The following GMEB2 variants were observed in gnomAD, a reference collection of about 807,000 sequenced individuals.
The protein encoded by GMEB2 is glucocorticoid modulatory element binding protein 2.
GMEB2 carries 7 observed loss-of-function variants against 45.7 expected under a neutral mutation model. The observed-to-expected ratio is 0.15, with a 90% CI of 0.09 to 0.29. The LOEUF is 0.29. GMEB2 is among the 10% of genes least tolerant of loss of function. The probability of loss-of-function intolerance (pLI) is 1.00; values close to 1 mark genes in which losing one functional copy is unlikely to be tolerated. For synonymous variants in GMEB2, 322 were observed against 323.6 expected (o/e 1.00, Z 0.05); for missense variants, 582 against 739.2 (o/e 0.79, Z 2.47).
chr20:63,605,541 A>G (rs1015808277), intron 2 of GMEB2, among the ~76,000 whole-genome samples: 1 of 151,508 alleles, frequency 6.6e-6, no homozygotes, highest in Non-Finnish European at 1.5e-5. Flanking sequence ...AAAAAAAAAA[A>G]AAAGAAATGG....
intron 1 of GMEB2, among the ~76,000 whole-genome samples, chr20:63,625,392 C>A (rs1336132264): frequency 6.6e-6 from 1 of 151,868 alleles, no homozygotes; most frequent in Non-Finnish European, 1.5e-5. Context: ...AGGCTGGTCT[C>A]GAACTCCTGA....
Position 63,589,737 on chromosome 20 carries a change from G to GCTCTGCTTCCTCTGT in GMEB2, c.*337_*351dup. 2 of 222,930 alleles carry GCTCTGCTTCCTCTGT rather than the reference G, an allele frequency of 9.0e-6. No individual in the cohort carries two copies. The highest frequency in any genetic ancestry group is 1.7e-5 in the Non-Finnish European group (2 of 114,662). 13.8% of individuals were successfully genotyped at this position (222,930 alleles called of 1,614,324 possible). A position where few individuals can be genotyped will look rare whatever the true frequency, so the allele number is the denominator to read the frequency against. On this transcript the variant is annotated 3_prime_UTR_variant, in exon 10 of 10. Transcript: ENST00000370077. The stretch of plus-strand genomic sequence containing the variant: ...CCTGCAGGGTCGCGCTCGGCACCTG[G>GCTCTGCTTCCTCTGT]CTCTGCTTCCTCTGTCTCTGCTGCA...
chr20:63,609,930 C>T (rs1247805083), intron 2 of GMEB2, among the ~76,000 whole-genome samples: 1 of 151,760 alleles, frequency 6.6e-6, no homozygotes, highest in Non-Finnish European at 1.5e-5. Flanking sequence ...TCTGACCCCA[C>T]CTCCATTTCT....
intron 2 of GMEB2, among the ~76,000 whole-genome samples, chr20:63,610,832 C>A (rs2089564309): frequency 6.6e-6 from 1 of 152,200 alleles, no homozygotes; most frequent in African/African-American, 2.4e-5. Flanking sequence ...CCCACCCCCT[C>A]CACTTGACTT....
intron 5 of GMEB2, among the ~76,000 whole-genome samples, chr20:63,596,514 G>A (rs552968026): frequency 3.3e-5 from 5 of 152,350 alleles, no homozygotes; most frequent in South Asian, 4.1e-4. Context: ...CTACCTGGCC[G>A]GTGGTCCCCA....
At chr20:63,616,850 C>T (rs1421042297) in intron 2 of GMEB2, among the ~76,000 whole-genome samples, 1 of 152,186 alleles carries the variant, frequency 6.6e-6, no homozygotes, top group Non-Finnish European at 1.5e-5. Context: ...ACTGTGTCCC[C>T]CGTAAAATTC....
In GMEB2 at chr20:63,589,228, G is replaced by T; in HGVS notation, c.*861C>A. 1 of 399,168 alleles carries T rather than the reference G, an allele frequency of 2.5e-6. No homozygotes were observed. The highest frequency in any genetic ancestry group is 1.3e-4 in the South Asian group (1 of 7,724). The allele number at this position is 399,168 out of a possible 1,614,324, so 24.7% of individuals were successfully genotyped here. On this transcript the variant is annotated 3_prime_UTR_variant, in exon 10 of 10. Transcript: ENST00000370077. ...GACCCCTGGGAGGGGCCGGCTCAGGGACAGGCTGCCCAGGACCTCCGCACC... is the reference window on the plus strand; with the variant it reads ...GACCCCTGGGAGGGGCCGGCTCAGGTACAGGCTGCCCAGGACCTCCGCACC...
chr20:63,619,590 C>A lies in GMEB2; in HGVS notation c.-57-136G>T. On this transcript the variant is annotated intron_variant, in intron 1 of 9. Transcript: ENST00000370077. This position sits in a 1 kb window ranked among gnomAD's most constrained non-coding sequence, Gnocchi z 4.6. ...ACTGCTACCTCCTGACAAAAACGAGCGGCAACAGAAGGGCTACTCCAGGCT... is the reference window on the plus strand; with the variant it reads ...ACTGCTACCTCCTGACAAAAACGAGAGGCAACAGAAGGGCTACTCCAGGCT... 1 of 499,688 alleles carries A rather than the reference C, an allele frequency of 2.0e-6. No homozygotes were observed. 31.0% of individuals were successfully genotyped at this position (499,688 alleles called of 1,614,324 possible). A position where few individuals can be genotyped will look rare whatever the true frequency, so the allele number is the denominator to read the frequency against.
chr20:63,591,258 C>T (rs755897108), intron 9 of GMEB2, among the ~76,000 whole-genome samples: 4 of 152,098 alleles, frequency 2.6e-5, no homozygotes, highest in Non-Finnish European at 4.4e-5. Flanking sequence ...AGTGCACACA[C>T]ACTGAATACA....
At chr20:63,625,810 C>A (rs745517780) in intron 1 of GMEB2, among the ~76,000 whole-genome samples, 26 of 152,104 alleles carry the variant, frequency 1.7e-4, no homozygotes, top group Non-Finnish European at 2.8e-4. Context: ...GTTAGCCAGG[C>A]TGCTCTCAAA....
At chr20:63,595,964 C>T (rs961978478) in intron 5 of GMEB2, among the ~76,000 whole-genome samples, 197 bp from the exon 6 acceptor site, 7 of 152,192 alleles carry the variant, frequency 4.6e-5, no homozygotes, top group Admixed American at 6.5e-5. Flanking sequence ...AAGAAGCAGC[C>T]GGCCCAGGCC....
chr20:63,604,433 A>C (rs1029686995), intron 3 of GMEB2, among the ~76,000 whole-genome samples: 1 of 152,224 alleles, frequency 6.6e-6, no homozygotes, highest in African/African-American at 2.4e-5. Context: ...AAACAGACAC[A>C]GGCAAAACAA....
At chr20:63,591,312 T>C (rs536597453) in intron 9 of GMEB2, among the ~76,000 whole-genome samples, 3 of 151,522 alleles carry the variant, frequency 2.0e-5, no homozygotes, top group East Asian at 3.9e-4. Flanking sequence ...TACACACACA[T>C]TGAACACACA....
chr20:63,621,763 T>C (rs1303211882), intron 1 of GMEB2, among the ~76,000 whole-genome samples: 1 of 150,366 alleles, frequency 6.7e-6, no homozygotes, highest in East Asian at 2.0e-4. Context: ...AATGCTACTA[T>C]AATAGAATGA....
At chr20:63,591,247 C>T (rs1295910861) in intron 9 of GMEB2, among the ~76,000 whole-genome samples, 1 of 152,078 alleles carries the variant, frequency 6.6e-6, no homozygotes, top group African/African-American at 2.4e-5. Context: ...AGTGAACACA[C>T]AGTGCACACA....
In GMEB2 at chr20:63,616,418, T is replaced by C. The variant is rs59491945; in HGVS notation, c.131+2849A>G. Among the ~76,000 whole-genome samples, 89 of 152,234 alleles carry C rather than the reference T, an allele frequency of 5.8e-4. 2 individuals carry two copies. In the East Asian group the frequency reaches 0.015, roughly 25 times the overall value. On this transcript the variant is annotated intron_variant, in intron 2 of 9. Transcript: ENST00000370077. Reference sequence around the variant, plus strand: ...GAGATCATGCCACTGCACTCCAGCCTAGGCAACAAGAGCGAGACTCCAACT... The same window carrying C: ...GAGATCATGCCACTGCACTCCAGCCCAGGCAACAAGAGCGAGACTCCAACT...
chr20:63,620,972 T>A (rs1160040922), intron 1 of GMEB2, among the ~76,000 whole-genome samples: 1 of 152,090 alleles, frequency 6.6e-6, no homozygotes, highest in Non-Finnish European at 1.5e-5. Flanking sequence ...GCAAACATTG[T>A]CAACCAAGTG....
chr20:63,603,479 C>T (rs2083256081), intron 3 of GMEB2, among the ~76,000 whole-genome samples: 1 of 152,098 alleles, frequency 6.6e-6, no homozygotes, highest in Non-Finnish European at 1.5e-5. Flanking sequence ...TTTTGTAATC[C>T]CAGCACTTTG....
intron 3 of GMEB2, among the ~76,000 whole-genome samples, chr20:63,604,135 G>A (rs377155177): frequency 1.3e-5 from 2 of 151,104 alleles, no homozygotes; most frequent in African/African-American, 4.9e-5. Context: ...GGAGGCTGAG[G>A]CTGGAGGATC....
Sources: allele counts gnomAD v4.1 joint callset (sites outside exome capture counted in the v4.1 genomes callset), GRCh38; gene constraint gnomAD v4.1.1; non-coding constraint Gnocchi (gnomAD v3.1); transcripts MANE v1.5; gene names NCBI Gene and HGNC (gene_info 2026-07-23, HGNC 2026-07-21).